PLCG2: variants seen among roughly 807,000 people sequenced by gnomAD.
PLCG2 encodes 1-phosphatidylinositol 4,5-bisphosphate phosphodiesterase gamma-2.
PLCG2 carries 69 observed loss-of-function variants against 175.6 expected under a neutral mutation model. The ratio of observed to expected loss-of-function variants is 0.39; its 90% CI spans 0.32 to 0.48. The LOEUF is 0.48. PLCG2 is among the 20% of genes least tolerant of loss of function. PLCG2 has a pLI of 0.91. For missense variants in PLCG2, 1,798 were observed against 1,650.9 expected (o/e 1.09, Z -1.54); for synonymous variants, 827 against 624.0 (o/e 1.33, Z -4.85).
chr16:81,870,834 C>CT lies in PLCG2; in HGVS notation c.565-12dup. On this transcript the variant is annotated splice_polypyrimidine_tract_variant and intron_variant, in intron 6 of 32. Transcript: ENST00000564138. Reference sequence around the variant, plus strand: ...GTGGACATCAAAAATCATGTGGTCACTTTTTTCATATTTACAGGAAATAGG... The same window carrying CT: ...GTGGACATCAAAAATCATGTGGTCACTTTTTTTCATATTTACAGGAAATAGG... 6.8e-7 allele frequency: 1 copy of CT among 1,477,202 alleles called. No individual in the cohort carries two copies. The highest frequency in any genetic ancestry group is 9.3e-7 in the Non-Finnish European group (1 of 1,070,874). 91.5% of individuals were successfully genotyped at this position (1,477,202 alleles called of 1,614,324 possible). A position where few individuals can be genotyped will look rare whatever the true frequency, so the allele number is the denominator to read the frequency against.
rs1910875043 is a variant in PLCG2 at position 81,940,046 on chromosome 16, A to G, written c.3468A>G (p.Lys1156=). Residue 1156 remains lysine (K), a synonymous_variant, in exon 30 of 33, where the codon AAA becomes AAG. Transcript: ENST00000564138. ...NFLAHATYPI[K]AVKSGFRSVP... Reference sequence around the variant, plus strand: ...TTGCTCATGCCACTTACCCCATTAAAGCAGTCAAATCAGGTAAGAGGCATT... The same window carrying G: ...TTGCTCATGCCACTTACCCCATTAAGGCAGTCAAATCAGGTAAGAGGCATT... 6.2e-7 allele frequency: 1 copy of G among 1,611,462 alleles called. No individual in the cohort carries two copies. The highest frequency in any genetic ancestry group is 8.5e-7 in the Non-Finnish European group (1 of 1,177,764).
At chr16:81,762,126 C>T (rs11864314) in intron 2 of PLCG2, among the ~76,000 whole-genome samples, 51,173 of 151,848 alleles carry the variant, frequency 0.34, 8,806 homozygotes, top group East Asian at 0.61. Context: ...TGAGCCACCA[C>T]GCATGGCCCC....
intron 5 of PLCG2, among the ~76,000 whole-genome samples, chr16:81,863,830 G>C (rs1457620780): frequency 6.6e-6 from 1 of 152,192 alleles, no homozygotes; most frequent in African/African-American, 2.4e-5. Flanking sequence ...AGGGACAGAG[G>C]AACTACTCTA....
chr16:81,925,224 C>A (rs554974884), intron 22 of PLCG2, among the ~76,000 whole-genome samples: 1 of 152,214 alleles, frequency 6.6e-6, no homozygotes, highest in Non-Finnish European at 1.5e-5. Flanking sequence ...TGGTCAATTC[C>A]TCTCTCTGAT....
chr16:81,883,244 C>G (rs1567515007), intron 8 of PLCG2, 25 bp from the exon 9 acceptor site: 1 of 1,608,750 alleles, frequency 6.2e-7, no homozygotes, highest in Admixed American at 1.7e-5. Flanking sequence ...CTGTCTCTAA[C>G]TGCACCCCCT....
At chr16:81,874,406 T>C (rs1034028884) in intron 7 of PLCG2, among the ~76,000 whole-genome samples, 1 of 152,184 alleles carries the variant, frequency 6.6e-6, no homozygotes, top group East Asian at 1.9e-4. Flanking sequence ...TTTTAAAAAT[T>C]TAATTTAGTG....
chr16:81,920,595 A>C (rs1286682154), intron 20 of PLCG2, among the ~76,000 whole-genome samples: 1 of 152,122 alleles, frequency 6.6e-6, no homozygotes, highest in Non-Finnish European at 1.5e-5. Flanking sequence ...TCTGGGGAGA[A>C]GTGAATGAAG....
chr16:81,802,115 TTTTTTTTTTTTTTTTTG>T (rs1423311084), intron 2 of PLCG2, among the ~76,000 whole-genome samples: 12 of 99,438 alleles, frequency 1.2e-4, no homozygotes, highest in South Asian at 3.6e-4. Context: ...TTTTTTTTTT[TTTTTTTTTTTTTTTTTG>T]AGACGGATCT....
At chr16:81,917,745 G>A (rs1295366265) in intron 19 of PLCG2, among the ~76,000 whole-genome samples, 3 of 152,050 alleles carry the variant, frequency 2.0e-5, no homozygotes, top group African/African-American at 4.8e-5. Context: ...TTTTTGAGAT[G>A]GAGTCTTGCT....
At chr16:81,852,211 A>C (rs1187550131) in intron 2 of PLCG2, 1 of 152,208 alleles carries the variant, frequency 6.6e-6, no homozygotes, top group East Asian at 1.9e-4. Flanking sequence ...CCAGCTTGGG[A>C]GCAGCCGTGG....
chr16:81,906,930 C>T (rs372336406), intron 15 of PLCG2, among the ~76,000 whole-genome samples: 2 of 151,260 alleles, frequency 1.3e-5, no homozygotes, highest in Non-Finnish European at 1.5e-5. Flanking sequence ...CCCAGCTACT[C>T]AGGAGGCTGA....
chr16:81,941,944 C>G (rs1252525295), intron 30 of PLCG2, among the ~76,000 whole-genome samples: 1 of 152,060 alleles, frequency 6.6e-6, no homozygotes, highest in Non-Finnish European at 1.5e-5. Flanking sequence ...ACTTTAAACC[C>G]GGCACTGATC....
chr16:81,928,356 C>G (rs1485984388), intron 23 of PLCG2, among the ~76,000 whole-genome samples: 7 of 152,142 alleles, frequency 4.6e-5, no homozygotes, highest in African/African-American at 1.4e-4. Flanking sequence ...CTCCGAACCT[C>G]CTGGCACCCT....
chr16:81,851,439 A>G lies in PLCG2; in HGVS notation c.194-3005A>G, dbSNP rs150819348. Among the ~76,000 whole-genome samples, 311 of 152,292 alleles carry G rather than the reference A, an allele frequency of 2.0e-3. 2 individuals are homozygous for G. Among genetic ancestry groups the G allele is most frequent in the African/African-American group, 7.2e-3 (298 of 41,546 alleles). On this transcript the variant is annotated intron_variant, in intron 2 of 32. Coordinates refer to ENST00000564138, the MANE Select transcript of PLCG2 (RefSeq NM_002661.5). ...GAAATCTTGTCACGTGTAGGTGGGT[A>G]TGTCTACCACCGTACATGCACAGGA...
At chr16:81,776,877 C>A (rs1054821448), upstream of PLCG2, among the ~76,000 whole-genome samples, 6 of 152,058 alleles carry the variant, frequency 3.9e-5, no homozygotes, top group South Asian at 1.0e-3. Flanking sequence ...TTTGAACAAC[C>A]AAGTTAGAGT....
At chr16:81,794,672 G>A (rs1013591696) in intron 2 of PLCG2, among the ~76,000 whole-genome samples, 2 of 152,176 alleles carry the variant, frequency 1.3e-5, no homozygotes, top group Non-Finnish European at 2.9e-5. Flanking sequence ...AGTAAATGAC[G>A]TGATATATGT....
chr16:81,791,516 C>T (rs1052877964), intron 2 of PLCG2, among the ~76,000 whole-genome samples: 3 of 152,178 alleles, frequency 2.0e-5, no homozygotes. Flanking sequence ...TTCACTCACA[C>T]ATCTGATACC....
At chr16:81,813,974 A>G (rs1904429672) in intron 2 of PLCG2, among the ~76,000 whole-genome samples, 1 of 152,182 alleles carries the variant, frequency 6.6e-6, no homozygotes, top group African/African-American at 2.4e-5. Flanking sequence ...TCGTGAATCC[A>G]CCAGAGATGG....
At position 81,924,958 on chromosome 16, in the gene PLCG2, C is replaced by T. The variant is rs116736370; in HGVS notation, c.2417+1364C>T. The stretch of plus-strand genomic sequence containing the variant: ...TTGAGGTCTCTTCCAGGCACACTGG[C>T]GTTCCCTCACTGGGCTCCTGTCCCT... On this transcript the variant is annotated intron_variant, in intron 22 of 32. Coordinates refer to ENST00000564138, the MANE Select transcript of PLCG2 (RefSeq NM_002661.5). Among the ~76,000 whole-genome samples, 353 of 152,366 alleles carry T rather than the reference C, an allele frequency of 2.3e-3. 2 individuals carry two copies. Among genetic ancestry groups the T allele is most frequent in the African/African-American group, 8.3e-3 (346 of 41,584 alleles).
Sources: gnomAD v4.1 joint callset for allele counts (sites outside exome capture counted in the v4.1 genomes callset) on GRCh38, gnomAD v4.1.1 for gene constraint, MANE v1.5 for transcripts, NCBI Gene and HGNC (gene_info 2026-07-23, HGNC 2026-07-21) for gene names.